Variants in UBE2E2 observed in about 807,000 individuals in gnomAD.
The protein encoded by UBE2E2 is ubiquitin-conjugating enzyme E2 E2.
In UBE2E2, 6 loss-of-function variants were observed where a neutral mutation model predicts 24.7. The ratio of observed to expected loss-of-function variants is 0.24; its 90% CI spans 0.13 to 0.48. The LOEUF (loss-of-function observed/expected upper bound fraction) is 0.48, where lower values mean the gene tolerates loss of function less well. Ranked by LOEUF, UBE2E2 falls within the 20% of genes least tolerant of loss-of-function variation. The pLI is 0.99. For synonymous variants in UBE2E2, 104 were observed against 83.6 expected (o/e 1.24, Z -1.33); for missense variants, 169 against 245.0 (o/e 0.69, Z 2.07).
intron 3 of UBE2E2, among the ~76,000 whole-genome samples, chr3:23,237,306 T>C (rs1312184697): frequency 6.6e-6 from 1 of 152,230 alleles, no homozygotes; most frequent in Non-Finnish European, 1.5e-5. Context: ...ATTCATTATC[T>C]TCTTAATATG....
chr3:23,220,761 C>G (rs574344939), intron 3 of UBE2E2, among the ~76,000 whole-genome samples: 36 of 152,318 alleles, frequency 2.4e-4, no homozygotes, highest in Non-Finnish European at 4.4e-5. Context: ...CAAATTGATG[C>G]TTTATCCTTA....
chr3:23,436,530 G>A (rs1365474652), intron 3 of UBE2E2, among the ~76,000 whole-genome samples: 2 of 151,504 alleles, frequency 1.3e-5, no homozygotes, highest in African/African-American at 2.4e-5. Context: ...GAAAATCTGA[G>A]TATAAGTTCT....
chr3:23,297,252 T>G (rs1698938688), intron 3 of UBE2E2, among the ~76,000 whole-genome samples: 3 of 152,008 alleles, frequency 2.0e-5, no homozygotes, highest in African/African-American at 7.2e-5. Flanking sequence ...TCTCCCATTC[T>G]GTAGGTTGCC....
chr3:23,293,269 T>G (rs1698818682), intron 3 of UBE2E2, among the ~76,000 whole-genome samples: 1 of 152,224 alleles, frequency 6.6e-6, no homozygotes, highest in Non-Finnish European at 1.5e-5. Context: ...TTTCTGTGTT[T>G]GGCGAACTTC....
intron 3 of UBE2E2, among the ~76,000 whole-genome samples, chr3:23,452,975 T>C (rs1177763266): frequency 6.6e-6 from 1 of 152,190 alleles, no homozygotes; most frequent in Non-Finnish European, 1.5e-5. Context: ...ATCCTGTTTT[T>C]CCCATAAGTG....
At chr3:23,299,385 A>G (rs1490999698) in intron 3 of UBE2E2, among the ~76,000 whole-genome samples, 3 of 151,874 alleles carry the variant, frequency 2.0e-5, no homozygotes, top group Admixed American at 1.3e-4. Context: ...TAGGGTGTCA[A>G]TTTTAGATCT....
At chr3:23,469,097 G>T (rs1047131373) in intron 3 of UBE2E2, among the ~76,000 whole-genome samples, 3 of 152,150 alleles carry the variant, frequency 2.0e-5, no homozygotes, top group Non-Finnish European at 4.4e-5. Flanking sequence ...TTGGAGGCTG[G>T]ATGTACAAGA....
chr3:23,505,845 C>G (rs1694441383), intron 4 of UBE2E2, among the ~76,000 whole-genome samples: 1 of 152,116 alleles, frequency 6.6e-6, no homozygotes, highest in Non-Finnish European at 1.5e-5. Flanking sequence ...TTTTCAAAAT[C>G]TTTATTTTTC....
Position 23,269,901 on chromosome 3 carries a change from G to A in UBE2E2, c.227+52589G>A, listed in dbSNP as rs570590255. ...TAAGGGAATAACATGTTTCTCAGCC[G>A]TAGCAGCCCCAGGGGCTAAGAATCA... On this transcript the variant is annotated intron_variant, in intron 3 of 5. Transcript: ENST00000396703. 1.4e-3 allele frequency among the ~76,000 whole-genome samples: 220 copies of A among 152,274 alleles called. 1 individual carries two copies. The highest frequency in any genetic ancestry group is 5.1e-3 in the African/African-American group (210 of 41,546).
intron 3 of UBE2E2, among the ~76,000 whole-genome samples, chr3:23,255,259 GTTT>G (rs796075955): frequency 7.4e-6 from 1 of 135,774 alleles, no homozygotes. Context: ...AATTTTTGTA[GTTT>G]TTTTTTTTTT....
intron 3 of UBE2E2, among the ~76,000 whole-genome samples, chr3:23,326,291 G>A (rs1694888552): frequency 6.6e-6 from 1 of 152,168 alleles, no homozygotes; most frequent in East Asian, 1.9e-4. Flanking sequence ...GGCTGTTCTC[G>A]AGCTACTGAC....
intron 3 of UBE2E2, among the ~76,000 whole-genome samples, chr3:23,297,638 TG>T (rs1698949105): frequency 6.6e-6 from 1 of 152,106 alleles, no homozygotes. Flanking sequence ...TCTGTTCCAT[TG>T]GTCTATATCT....
At chr3:23,393,253 A>C (rs529287925) in intron 3 of UBE2E2, among the ~76,000 whole-genome samples, 1 of 152,330 alleles carries the variant, frequency 6.6e-6, no homozygotes, top group East Asian at 1.9e-4. Flanking sequence ...TTGGATAAGA[A>C]GTATGAGGGA....
intron 3 of UBE2E2, among the ~76,000 whole-genome samples, chr3:23,472,631 A>G (rs538481313): frequency 6.6e-6 from 1 of 151,276 alleles, no homozygotes; most frequent in African/African-American, 2.4e-5. Flanking sequence ...GGATTTTGTC[A>G]TTTATTATTA....
chr3:23,461,659 A>G (rs1288942567), intron 3 of UBE2E2, among the ~76,000 whole-genome samples: 6 of 152,130 alleles, frequency 3.9e-5, no homozygotes, highest in Admixed American at 3.9e-4. Context: ...CATTTATAAT[A>G]CATTTTAGTT....
intron 5 of UBE2E2, among the ~76,000 whole-genome samples, chr3:23,560,578 G>A (rs1441355265): frequency 2.0e-5 from 3 of 151,864 alleles, no homozygotes; most frequent in South Asian, 2.1e-4. Context: ...TTGGGTATAC[G>A]CCCAGTAATG....
intron 3 of UBE2E2, among the ~76,000 whole-genome samples, chr3:23,328,363 T>G (rs1192882868): frequency 6.6e-6 from 1 of 152,194 alleles, no homozygotes; most frequent in Non-Finnish European, 1.5e-5. Context: ...AAACATTCAG[T>G]AGAAAATGTA....
chr3:23,504,296 G>C (rs576819954), intron 4 of UBE2E2, among the ~76,000 whole-genome samples: 7 of 152,272 alleles, frequency 4.6e-5, no homozygotes, highest in South Asian at 4.1e-4. Flanking sequence ...AGGGTGCCTA[G>C]TATTCCGTTG....
intron 3 of UBE2E2, among the ~76,000 whole-genome samples, chr3:23,227,174 A>T (rs1035070803): frequency 4.6e-5 from 7 of 152,046 alleles, no homozygotes; most frequent in African/African-American, 1.4e-4. Context: ...TTGATAATAC[A>T]TCCCTCTTTA....
Sources: allele counts gnomAD v4.1 joint callset (sites outside exome capture counted in the v4.1 genomes callset), GRCh38; gene constraint gnomAD v4.1.1; transcripts MANE v1.5; gene names NCBI Gene and HGNC (gene_info 2026-07-23, HGNC 2026-07-21).